The following MDGA2 variants were observed in gnomAD, a reference collection of about 807,000 sequenced individuals.
MDGA2 encodes the protein MAM domain containing glycosylphosphatidylinositol anchor 2, also known as MAM domain-containing glycosylphosphatidylinositol anchor protein 2.
A neutral mutation model predicts 117.8 loss-of-function variants in MDGA2; 40 were observed. The observed-to-expected ratio is 0.34, with a 90% CI of 0.26 to 0.44. The LOEUF (loss-of-function observed/expected upper bound fraction) is 0.44. Among genes scored for constraint, MDGA2 ranks in the 20% least tolerant of loss-of-function variants. The pLI is 1.00. For missense variants in MDGA2, 1,123 were observed against 1,250.6 expected (o/e 0.90, Z 1.54); for synonymous variants, 452 against 439.0 (o/e 1.03, Z -0.37).
intron 3 of MDGA2, among the ~76,000 whole-genome samples, chr14:47,152,729 T>C (rs943417125): frequency 6.6e-6 from 1 of 151,866 alleles, no homozygotes; most frequent in African/African-American, 2.4e-5. Flanking sequence ...ATTAACTAAA[T>C]GATCCTATAG....
chr14:47,397,964 G>A (rs1185163561), intron 1 of MDGA2, among the ~76,000 whole-genome samples: 1 of 152,120 alleles, frequency 6.6e-6, no homozygotes, highest in African/African-American at 2.4e-5. Context: ...TATGTACCAG[G>A]CACTGTCTTA....
intron 15 of MDGA2, among the ~76,000 whole-genome samples, chr14:46,852,965 A>T (rs1334718599): frequency 1.3e-5 from 2 of 151,948 alleles, no homozygotes; most frequent in Admixed American, 1.3e-4. Flanking sequence ...AAAAAAAATA[A>T]CGAAAACAGT....
At chr14:47,626,730 G>A (rs550027053) in intron 1 of MDGA2, among the ~76,000 whole-genome samples, 20 of 152,298 alleles carry the variant, frequency 1.3e-4, no homozygotes, top group African/African-American at 4.3e-4. Flanking sequence ...ATTTCTCCCC[G>A]GCCCTTAGCT....
chr14:47,114,586 G>C (rs936222770), intron 5 of MDGA2, among the ~76,000 whole-genome samples: 4 of 152,024 alleles, frequency 2.6e-5, no homozygotes, highest in Non-Finnish European at 2.9e-5. Context: ...TAGACCAATG[G>C]AACAGAATAG....
intron 3 of MDGA2, among the ~76,000 whole-genome samples, chr14:47,212,048 T>G (rs2139484333): frequency 6.6e-6 from 1 of 152,268 alleles, no homozygotes; most frequent in East Asian, 1.9e-4. Flanking sequence ...ATGAATGACG[T>G]AAAAGTCAAA....
Position 46,855,227 on chromosome 14 carries a change from T to C in MDGA2, c.2753-73A>G, listed in dbSNP as rs1594996618. 5 of 1,340,998 alleles carry C rather than the reference T, an allele frequency of 3.7e-6. No homozygotes were observed. In the East Asian group the frequency reaches 9.5e-5, roughly 26 times the overall value. The allele number at this position is 1,340,998 out of a possible 1,614,324, so 83.1% of individuals were successfully genotyped here. On this transcript the variant is annotated intron_variant, in intron 14 of 16. Coordinates refer to ENST00000399232, the MANE Select transcript of MDGA2 (RefSeq NM_001113498.3). The surrounding 1 kb of genome is among the most constrained non-coding windows in gnomAD (Gnocchi z 4.1). ...AATTTGTTTTTCCTTGACCAAACAC[T>C]TGTAAACTTTTTAAACTGAAATTTT... is the stretch of plus-strand genomic sequence containing the variant.
intron 5 of MDGA2, among the ~76,000 whole-genome samples, chr14:47,129,158 A>G (rs1304381246): frequency 6.6e-6 from 1 of 151,544 alleles, no homozygotes; most frequent in Non-Finnish European, 1.5e-5. Context: ...GGTTAGTTAC[A>G]TATGTATACA....
intron 2 of MDGA2, among the ~76,000 whole-genome samples, chr14:47,273,001 G>A (rs1789447058): frequency 6.6e-6 from 1 of 152,120 alleles, no homozygotes; most frequent in Non-Finnish European, 1.5e-5. Context: ...TAAGGAGCCT[G>A]AAGCAATCTT....
chr14:47,253,742 C>T (rs1179080438), intron 2 of MDGA2, among the ~76,000 whole-genome samples: 1 of 152,190 alleles, frequency 6.6e-6, no homozygotes, highest in East Asian at 1.9e-4. Flanking sequence ...AGGCAGTGCC[C>T]CCATGGAGAC....
intron 1 of MDGA2, among the ~76,000 whole-genome samples, chr14:47,537,214 C>A (rs984827449): frequency 2.7e-5 from 4 of 148,190 alleles, no homozygotes; most frequent in South Asian, 4.2e-4. Flanking sequence ...GACAAAAAAA[C>A]CAAACACCGC....
chr14:47,230,053 T>C (rs1455754073), intron 2 of MDGA2, among the ~76,000 whole-genome samples: 1 of 152,052 alleles, frequency 6.6e-6, no homozygotes, highest in Non-Finnish European at 1.5e-5. Flanking sequence ...TCTTTCACCA[T>C]TATTCTCAAT....
intron 8 of MDGA2, among the ~76,000 whole-genome samples, chr14:47,024,499 TTTCA>T (rs1888404048): frequency 2.0e-5 from 3 of 152,210 alleles, no homozygotes; most frequent in Non-Finnish European, 4.4e-5. Flanking sequence ...CTTAAATACA[TTTCA>T]GTTTCCTGCT....
intron 1 of MDGA2, among the ~76,000 whole-genome samples, chr14:47,661,746 C>CTT (rs1172717995): frequency 0.059 from 5,683 of 97,114 alleles, 495 homozygotes; most frequent in East Asian, 0.17. Flanking sequence ...ATCAGAGTTT[C>CTT]TTTTTTTTTT....
intron 1 of MDGA2, among the ~76,000 whole-genome samples, chr14:47,496,591 G>C (rs1894285822): frequency 6.6e-6 from 1 of 151,808 alleles, no homozygotes; most frequent in South Asian, 2.1e-4. Context: ...TTCAGTTGTG[G>C]AAAAATGAAT....
intron 2 of MDGA2, among the ~76,000 whole-genome samples, chr14:47,286,934 GA>G (rs962166273): frequency 2.6e-4 from 39 of 150,624 alleles, no homozygotes; most frequent in African/African-American, 9.5e-4. Flanking sequence ...CAGAAAATTT[GA>G]AAATAATTTG....
intron 5 of MDGA2, among the ~76,000 whole-genome samples, chr14:47,125,678 T>C (rs931345643): frequency 6.6e-6 from 1 of 152,054 alleles, no homozygotes; most frequent in African/African-American, 2.4e-5. Flanking sequence ...AGTAATACTT[T>C]TATGGCTTGG....
chr14:47,341,388 T>G (rs1425413474), intron 1 of MDGA2, among the ~76,000 whole-genome samples: 1 of 152,234 alleles, frequency 6.6e-6, no homozygotes, highest in Non-Finnish European at 1.5e-5. Flanking sequence ...TCTGGATTAC[T>G]CTTTTCAACA....
rs558982927 is a variant in MDGA2, at chr14:47,611,032, A to T, written c.280+63485T>A. ...TAGGCACATAGGCCAATGGAACAGA[A>T]TAGAGAACCCAGAAGTAAACCCAAA... On this transcript the variant is annotated intron_variant, in intron 1 of 16. Coordinates refer to ENST00000399232, the MANE Select transcript of MDGA2 (RefSeq NM_001113498.3). 2.4e-4 allele frequency among the ~76,000 whole-genome samples: 36 copies of T among 152,234 alleles called. No individual in the cohort carries two copies. The South Asian group carries it at 7.0e-3, about 30-fold the overall frequency.
At chr14:47,026,964 G>T (rs1428033724) in intron 8 of MDGA2, among the ~76,000 whole-genome samples, 1 of 151,942 alleles carries the variant, frequency 6.6e-6, no homozygotes, top group African/African-American at 2.4e-5. Flanking sequence ...TTGAGGCCAG[G>T]AGTTTGAATC....
Sources: allele counts gnomAD v4.1 joint callset (sites outside exome capture counted in the v4.1 genomes callset), GRCh38; gene constraint gnomAD v4.1.1; non-coding constraint Gnocchi (gnomAD v3.1); transcripts MANE v1.5; gene names NCBI Gene and HGNC (gene_info 2026-07-23, HGNC 2026-07-21).